Variants in KCNH1 observed in about 807,000 individuals in gnomAD.
The protein encoded by KCNH1 is voltage-gated delayed rectifier potassium channel KCNH1.
A neutral mutation model predicts 69.2 loss-of-function variants in KCNH1; 27 were observed. The observed-to-expected ratio is 0.39, with a 90% CI of 0.29 to 0.54. The LOEUF (loss-of-function observed/expected upper bound fraction) is 0.54, where lower values mean the gene tolerates loss of function less well. KCNH1 is among the 20% of genes least tolerant of loss of function. KCNH1 has a pLI of 0.68. For missense variants in KCNH1, 798 were observed against 1,261.6 expected, an observed-to-expected ratio of 0.63 and a Z score of 5.57; for synonymous variants, 456 against 487.7, an observed-to-expected ratio of 0.93 and a Z score of 0.86.
intron 5 of KCNH1, among the ~76,000 whole-genome samples, chr1:211,042,644 T>C (rs1462323333): frequency 6.6e-6 from 1 of 152,208 alleles, no homozygotes. Context: ...CAGAACATTC[T>C]ACCCAACAAC....
intron 6 of KCNH1, among the ~76,000 whole-genome samples, chr1:210,968,564 C>A (rs1033677288): frequency 6.6e-6 from 1 of 150,572 alleles, no homozygotes; most frequent in East Asian, 2.0e-4. Flanking sequence ...GCCATTCTAA[C>A]TGATGTGAGA....
chr1:211,055,937 C>G (rs548394641), intron 5 of KCNH1, among the ~76,000 whole-genome samples: 1 of 152,330 alleles, frequency 6.6e-6, no homozygotes, highest in South Asian at 2.1e-4. Context: ...CACCCCAGGC[C>G]TTGGGTAAGA....
chr1:211,125,826 G>A (rs1352031388), intron 1 of KCNH1, among the ~76,000 whole-genome samples: 1 of 152,192 alleles, frequency 6.6e-6, no homozygotes, highest in Non-Finnish European at 1.5e-5. Flanking sequence ...TTATAGGATT[G>A]ACTCAGTTAA....
intron 6 of KCNH1, among the ~76,000 whole-genome samples, chr1:210,986,606 T>C (rs1688840548): frequency 6.6e-6 from 1 of 152,216 alleles, no homozygotes; most frequent in Non-Finnish European, 1.5e-5. Flanking sequence ...ATGTTGAATA[T>C]CAGCCCCCAC....
At chr1:211,048,735 C>G (rs1690138424) in intron 5 of KCNH1, among the ~76,000 whole-genome samples, 1 of 152,158 alleles carries the variant, frequency 6.6e-6, no homozygotes, top group Admixed American at 6.6e-5. Flanking sequence ...GCACATTGGG[C>G]ACAGTGTACA....
chr1:210,940,232 C>T (rs1434475504), intron 6 of KCNH1, among the ~76,000 whole-genome samples: 1 of 152,236 alleles, frequency 6.6e-6, no homozygotes, highest in African/African-American at 2.4e-5. Context: ...CAGGAAGACA[C>T]AGCCAAGAGC....
At chr1:211,034,485 T>C (rs1320260506) in intron 5 of KCNH1, among the ~76,000 whole-genome samples, 2 of 152,134 alleles carry the variant, frequency 1.3e-5, no homozygotes, top group African/African-American at 4.8e-5. Context: ...CTTATGGTGA[T>C]GAAAATATTC....
chr1:210,778,562 T>G (rs1683907351), intron 9 of KCNH1, among the ~76,000 whole-genome samples: 1 of 150,536 alleles, frequency 6.6e-6, no homozygotes, highest in African/African-American at 2.4e-5. Flanking sequence ...CCTGCCAGGT[T>G]ACGTAATATT....
chr1:210,881,578 G>C (rs912458105), intron 7 of KCNH1, among the ~76,000 whole-genome samples: 1 of 152,104 alleles, frequency 6.6e-6, no homozygotes, highest in African/African-American at 2.4e-5. Flanking sequence ...ACAAAAACCT[G>C]CACATAGATA....
intron 10 of KCNH1, among the ~76,000 whole-genome samples, chr1:210,711,773 G>C (rs1282297899): frequency 2.6e-5 from 4 of 152,168 alleles, no homozygotes; most frequent in Non-Finnish European, 5.9e-5. Flanking sequence ...GACTTTGCCT[G>C]CCTTGCTCAC....
intron 6 of KCNH1, among the ~76,000 whole-genome samples, chr1:210,970,147 T>A (rs1345270163): frequency 1.3e-5 from 2 of 148,544 alleles, no homozygotes; most frequent in Non-Finnish European, 3.0e-5. Flanking sequence ...GTGCAGAATG[T>A]GCAGGTTTGT....
chr1:210,748,916 C>T (rs1187080518), intron 10 of KCNH1, among the ~76,000 whole-genome samples: 2 of 152,212 alleles, frequency 1.3e-5, no homozygotes, highest in Non-Finnish European at 2.9e-5. Flanking sequence ...ACCTGTCCTA[C>T]CTGCTCCCAC....
chr1:210,811,452 T>C (rs1288372941), intron 7 of KCNH1, among the ~76,000 whole-genome samples: 4 of 152,210 alleles, frequency 2.6e-5, no homozygotes, highest in Non-Finnish European at 4.4e-5. Flanking sequence ...TTTAGCTTTA[T>C]GGGGTCTACC....
chr1:211,055,320 T>C (rs1690285021), intron 5 of KCNH1, among the ~76,000 whole-genome samples: 1 of 152,108 alleles, frequency 6.6e-6, no homozygotes, highest in African/African-American at 2.4e-5. Flanking sequence ...CAGTGGAAAG[T>C]AACATGGGGC....
At chr1:210,732,708 A>G (rs1393421076) in intron 10 of KCNH1, among the ~76,000 whole-genome samples, 2 of 152,208 alleles carry the variant, frequency 1.3e-5, no homozygotes. Flanking sequence ...TGGCAGATTC[A>G]GTGTCTGGCA....
chr1:210,745,685 C>T (rs1683133103), intron 10 of KCNH1, among the ~76,000 whole-genome samples: 1 of 152,124 alleles, frequency 6.6e-6, no homozygotes. Context: ...TCAGATAAAC[C>T]CGCTCCCACC....
intron 9 of KCNH1, among the ~76,000 whole-genome samples, chr1:210,784,713 G>GT (rs11397287): frequency 0.18 from 27,003 of 151,976 alleles, 2,591 homozygotes; most frequent in African/African-American, 0.25. Flanking sequence ...TTCTGTTTTT[G>GT]TTTTTTGATG....
intron 6 of KCNH1, among the ~76,000 whole-genome samples, chr1:210,993,995 G>A (rs937589228): frequency 1.3e-5 from 2 of 152,060 alleles, no homozygotes; most frequent in African/African-American, 4.8e-5. Flanking sequence ...CAGTAATGAT[G>A]CACTATATAA....
chr1:211,075,304 A>AAC (rs1690713646), intron 5 of KCNH1, among the ~76,000 whole-genome samples: 1 of 152,222 alleles, frequency 6.6e-6, no homozygotes, highest in African/African-American at 2.4e-5. Flanking sequence ...ACTGTTGACA[A>AAC]AAGCTTCTGG....
Sources: gnomAD v4.1 joint callset for allele counts (sites outside exome capture counted in the v4.1 genomes callset) on GRCh38, gnomAD v4.1.1 for gene constraint, MANE v1.5 for transcripts, NCBI Gene and HGNC (gene_info 2026-07-23, HGNC 2026-07-21) for gene names.